TXNRD1: variants seen among roughly 807,000 people sequenced by gnomAD.
TXNRD1 encodes thioredoxin reductase 1.
A neutral mutation model predicts 80.3 loss-of-function variants in TXNRD1; 57 were observed. That is an observed-to-expected ratio of 0.71 (90% confidence interval 0.57 to 0.89). TXNRD1 has a LOEUF of 0.89. TXNRD1 is among the 40% of genes least tolerant of loss of function. The pLI, the probability that TXNRD1 is intolerant of heterozygous loss-of-function variation, is 0.00. For synonymous variants in TXNRD1, 291 were observed against 285.2 expected (o/e 1.02, Z -0.20); for missense variants, 730 against 803.0 (o/e 0.91, Z 1.10).
At chr12:104,224,807 T>C (rs1348992964) in intron 1 of TXNRD1, 3 of 456,120 alleles carry the variant, frequency 6.6e-6, no homozygotes, top group Non-Finnish European at 8.8e-6. Flanking sequence ...CACTGTTTGA[T>C]CAACCCAGGA....
chr12:104,266,117 T>G (rs1175936062), intron 3 of TXNRD1, among the ~76,000 whole-genome samples: 1 of 152,236 alleles, frequency 6.6e-6, no homozygotes, highest in Non-Finnish European at 1.5e-5. Context: ...TGTACCTTGC[T>G]GGGCTCAGGT....
chr12:104,223,806 C>T (rs1468143260), intron 1 of TXNRD1, among the ~76,000 whole-genome samples: 1 of 152,192 alleles, frequency 6.6e-6, no homozygotes, highest in Admixed American at 6.6e-5. Flanking sequence ...TGAACTGCTG[C>T]ATCTGGCAGC....
At chr12:104,302,693 G>A (rs2034686417) in intron 4 of TXNRD1, among the ~76,000 whole-genome samples, 1 of 151,660 alleles carries the variant, frequency 6.6e-6, no homozygotes, top group African/African-American at 2.4e-5. Flanking sequence ...GTTTCACCGG[G>A]TTAGCCAAGA....
intron 3 of TXNRD1, among the ~76,000 whole-genome samples, chr12:104,262,067 A>G (rs1285173570): frequency 6.7e-6 from 1 of 148,948 alleles, no homozygotes; most frequent in African/African-American, 2.5e-5. Flanking sequence ...TCCTGTCTCT[A>G]CTAAAAATAC....
chr12:104,275,915 G>A (rs1393039072), intron 3 of TXNRD1, among the ~76,000 whole-genome samples: 1 of 152,192 alleles, frequency 6.6e-6, no homozygotes, highest in Non-Finnish European at 1.5e-5. Context: ...CACATGAAGT[G>A]TAGATACTGT....
rs1347392381 is a variant in TXNRD1, at chr12:104,348,364, A to G, written c.1893A>G (p.Thr631=). ...CTCTTCCCCTGCAGGTATTCACAAC[A>G]TTGTCTGTGACCAAGCGCTCTGGGG... ...IHPVCAEVFT[T]LSVTKRSGAS... is the part of the protein sequence containing the mutation. The change falls in exon 17 of 17, where the codon ACA becomes ACG. Residue 631 remains threonine, a synonymous_variant. Coordinates refer to ENST00000525566, the MANE Select transcript of TXNRD1 (RefSeq NM_001093771.3). 1 of 1,614,018 alleles carries G rather than the reference A, an allele frequency of 6.2e-7. No homozygotes were observed. The highest frequency in any genetic ancestry group is 1.3e-5 in the African/African-American group (1 of 75,060).
intron 4 of TXNRD1, 137 bp downstream of exon 4, chr12:104,289,177 C>T: frequency 1.0e-6 from 1 of 984,492 alleles, no homozygotes; most frequent in Non-Finnish European, 1.5e-6. Flanking sequence ...GAAAAACGCT[C>T]GTGGGCTAGC....
At chr12:104,227,302 C>T (rs1037284489) in intron 1 of TXNRD1, among the ~76,000 whole-genome samples, 3 of 151,880 alleles carry the variant, frequency 2.0e-5, no homozygotes, top group Non-Finnish European at 2.9e-5. Context: ...TGCTCTGTCA[C>T]CCAGGCTCAA....
intron 3 of TXNRD1, among the ~76,000 whole-genome samples, chr12:104,259,689 C>T (rs1032803191): frequency 3.3e-5 from 5 of 151,752 alleles, no homozygotes; most frequent in African/African-American, 1.2e-4. Context: ...TGGGGTTTCT[C>T]CATGTTGAGG....
At chr12:104,274,418 G>A (rs116521910) in intron 3 of TXNRD1, among the ~76,000 whole-genome samples, 1,820 of 152,164 alleles carry the variant, frequency 0.012, 36 homozygotes, top group African/African-American at 0.042. Flanking sequence ...ATAAGCTGCC[G>A]GGCACGGTGG....
intron 13 of TXNRD1, 55 bp from the exon 14 acceptor site, chr12:104,331,479 T>C: frequency 8.2e-7 from 1 of 1,212,812 alleles, no homozygotes. Context: ...TGAATACCTT[T>C]TTTTTTAAGT....
At chr12:104,316,017 T>C (rs1000549034) in intron 7 of TXNRD1, 121 bp downstream of exon 7, 13 of 1,099,408 alleles carry the variant, frequency 1.2e-5, no homozygotes, top group Non-Finnish European at 1.3e-5. Context: ...ATTGTTTACA[T>C]TTTTGATGGA....
Position 104,245,728 on chromosome 12 carries a change from G to GT in TXNRD1, c.92-5798dup, listed in dbSNP as rs1385807319. On this transcript the variant is annotated intron_variant, in intron 1 of 16. Coordinates refer to ENST00000525566, the MANE Select transcript of TXNRD1 (RefSeq NM_001093771.3). ...TGTCAAATTGTTTTTCAAAAGAATA[G>GT]TATTAGCTTGTGTTACACAGCCCTG... Among the ~76,000 whole-genome samples the GT allele has an allele frequency of 7.3e-5, 11 of 151,110 alleles. No individual in the cohort carries two copies. In the South Asian group the frequency reaches 2.3e-3, roughly 31 times the overall value.
intron 3 of TXNRD1, among the ~76,000 whole-genome samples, chr12:104,266,703 C>G (rs1565869426): frequency 6.6e-6 from 1 of 151,266 alleles, no homozygotes; most frequent in Non-Finnish European, 1.5e-5. Flanking sequence ...GTGGCTCACG[C>G]CTGTACTCCT....
At chr12:104,306,647 A>G (rs531229474) in intron 4 of TXNRD1, among the ~76,000 whole-genome samples, 19 of 152,344 alleles carry the variant, frequency 1.2e-4, no homozygotes, top group African/African-American at 4.1e-4. Context: ...TAGAGGTTTT[A>G]GCAAAAATAG....
rs559106151 is a variant in TXNRD1, at chr12:104,338,866, G to A, written c.1747-273G>A. ...CAAGTAGCTGGAACTACAGGCACCC[G>A]CCACCACGCCCGGCTAATTTTTTGT... is the stretch of plus-strand genomic sequence containing the variant. On this transcript the variant is annotated intron_variant, in intron 15 of 16. Transcript: ENST00000525566. 5.7e-4 allele frequency among the ~76,000 whole-genome samples: 86 copies of A among 151,954 alleles called. No individual in the cohort carries two copies. In the South Asian group the frequency reaches 6.6e-3, roughly 12 times the overall value.
chr12:104,346,291 G>T (rs113552746), intron 16 of TXNRD1: 1,944 of 179,532 alleles, frequency 0.011, 43 homozygotes, highest in African/African-American at 0.043. Flanking sequence ...GGGATTGCAG[G>T]CGTGAGCCAC....
At chr12:104,250,384 G>A (rs754749455) in intron 1 of TXNRD1, among the ~76,000 whole-genome samples, 3 of 152,060 alleles carry the variant, frequency 2.0e-5, no homozygotes, top group Non-Finnish European at 4.4e-5. Flanking sequence ...AAGCAAAAAA[G>A]AAAAAGATAA....
intron 8 of TXNRD1, 84 bp downstream of exon 8, chr12:104,319,139 T>G: frequency 7.0e-7 from 1 of 1,426,340 alleles, no homozygotes. Context: ...TAAAGTATTA[T>G]AATAAAAGTA....
Sources: allele counts gnomAD v4.1 joint callset (sites outside exome capture counted in the v4.1 genomes callset), GRCh38; gene constraint gnomAD v4.1.1; transcripts MANE v1.5; gene names NCBI Gene and HGNC (gene_info 2026-07-23, HGNC 2026-07-21).